WDR89: variants seen among roughly 807,000 people sequenced by gnomAD.
WDR89 encodes WD repeat-containing protein 89.
WDR89 carries 17 observed loss-of-function variants against 29.1 expected under a neutral mutation model. That is an observed-to-expected ratio of 0.58 (90% CI 0.40 to 0.88). WDR89 has a LOEUF of 0.88. Among genes scored for constraint, WDR89 ranks in the 40% least tolerant of loss-of-function variants. The pLI, the probability that WDR89 is intolerant of heterozygous loss-of-function variation, is 0.00. For synonymous variants in WDR89, 138 were observed against 157.8 expected, an observed-to-expected ratio of 0.87 and a Z score of 0.94; for missense variants, 396 against 456.3, an observed-to-expected ratio of 0.87 and a Z score of 1.20.
Position 63,599,759 on chromosome 14 carries a change from C to A in WDR89, c.184G>T (p.Val62Leu), listed in dbSNP as rs767678927. The part of the protein sequence containing the change: ...IRIYDKERLN[V>L]LREFSGYPGL... ...GGATATCCACTAAATTCTCGTAGTA[C>A]ATTTAACCTTTCTTTATCATATATT... Residue 62 changes from valine to leucine, a missense_variant, in exon 3 of 3, where the codon GTA (valine) becomes TTA (leucine). Transcript: ENST00000620954. 8 of 1,614,160 alleles carry A rather than the reference C, an allele frequency of 5.0e-6. No individual in the cohort carries two copies. The highest frequency in any genetic ancestry group is 6.8e-6 in the Non-Finnish European group (8 of 1,180,034).
chr14:63,618,496 A>G (rs1335415856), intron 2 of WDR89, among the ~76,000 whole-genome samples: 1 of 152,138 alleles, frequency 6.6e-6, no homozygotes, highest in Non-Finnish European at 1.5e-5. Context: ...AGACAACAGG[A>G]AAGAATTCTT....
chr14:63,608,842 G>A (rs996151292), intron 2 of WDR89, among the ~76,000 whole-genome samples: 29 of 152,244 alleles, frequency 1.9e-4, no homozygotes, highest in African/African-American at 7.0e-4. Flanking sequence ...GGTGGCTCAC[G>A]CCTATAATCT....
chr14:63,631,783 T>C (rs1307143279), intron 1 of WDR89, among the ~76,000 whole-genome samples: 1 of 152,104 alleles, frequency 6.6e-6, no homozygotes, highest in East Asian at 1.9e-4. Context: ...TCCAGGCTGA[T>C]TCTTGCATTG....
chr14:63,606,570 T>C (rs1167284128), intron 2 of WDR89, among the ~76,000 whole-genome samples: 3 of 152,206 alleles, frequency 2.0e-5, no homozygotes, highest in African/African-American at 7.2e-5. Flanking sequence ...TACAGTGTAG[T>C]GTAGGTCATA....
intron 2 of WDR89, among the ~76,000 whole-genome samples, chr14:63,615,924 TAAA>T (rs113469632): frequency 0.013 from 1,720 of 132,668 alleles, 47 homozygotes; most frequent in African/African-American, 0.046. Flanking sequence ...ACCCTGTCTT[TAAA>T]AAAAAAAAAA....
At chr14:63,622,407 C>T (rs1475821711) in intron 2 of WDR89, among the ~76,000 whole-genome samples, 1 of 151,952 alleles carries the variant, frequency 6.6e-6, no homozygotes, top group Non-Finnish European at 1.5e-5. Context: ...TGGTGAAAGC[C>T]CTTCTCTACA....
chr14:63,630,633 ACT>A (rs1268136117), intron 1 of WDR89: 5 of 141,896 alleles, frequency 3.5e-5, no homozygotes, highest in Non-Finnish European at 7.6e-5. Flanking sequence ...ACAGGGCGAG[ACT>A]CTGTCTCACA....
chr14:63,632,182 G>A (rs1288578860), intron 1 of WDR89, among the ~76,000 whole-genome samples: 11 of 151,174 alleles, frequency 7.3e-5, no homozygotes, highest in South Asian at 2.1e-4. Flanking sequence ...AAAATGGGGG[G>A]AAAAAAAACA....
chr14:63,602,834 GATCT>G (rs1304847105), intron 2 of WDR89, among the ~76,000 whole-genome samples: 3 of 151,898 alleles, frequency 2.0e-5, no homozygotes, highest in Non-Finnish European at 4.4e-5. Flanking sequence ...GGAGAATTTG[GATCT>G]ATCAGAGAGC....
intron 2 of WDR89, among the ~76,000 whole-genome samples, chr14:63,605,036 T>A (rs534638264): frequency 6.6e-5 from 10 of 151,960 alleles, no homozygotes; most frequent in African/African-American, 2.4e-4. Context: ...TATAGTCCCA[T>A]CTACTGGGGA....
intron 2 of WDR89, among the ~76,000 whole-genome samples, chr14:63,624,619 A>G (rs1882918157): frequency 6.6e-6 from 1 of 152,158 alleles, no homozygotes; most frequent in South Asian, 2.1e-4. Flanking sequence ...TTGCAACCAA[A>G]TTATAAGACA....
chr14:63,630,136 C>T (rs890846520), intron 1 of WDR89, among the ~76,000 whole-genome samples: 7 of 151,746 alleles, frequency 4.6e-5, no homozygotes, highest in Admixed American at 6.6e-5. Context: ...TTGGTAGAGA[C>T]GGGGTTTCCC....
At chr14:63,618,381 C>T (rs1166800243) in intron 2 of WDR89, among the ~76,000 whole-genome samples, 5 of 152,114 alleles carry the variant, frequency 3.3e-5, no homozygotes. Context: ...TCTCAAACTC[C>T]TGGACTCAAG....
At chr14:63,615,230 T>G (rs1383534054) in intron 2 of WDR89, among the ~76,000 whole-genome samples, 1 of 152,182 alleles carries the variant, frequency 6.6e-6, no homozygotes, top group Non-Finnish European at 1.5e-5. Flanking sequence ...ATTCCACAAA[T>G]GCCCAGAATC....
chr14:63,631,190 T>A (rs1053916224), intron 1 of WDR89, among the ~76,000 whole-genome samples: 4 of 152,136 alleles, frequency 2.6e-5, no homozygotes, highest in African/African-American at 9.7e-5. Context: ...TATACGTATA[T>A]CAAAACATCA....
At chr14:63,641,086 A>G (rs936947571) in intron 1 of WDR89, among the ~76,000 whole-genome samples, 1 of 142,698 alleles carries the variant, frequency 7.0e-6, no homozygotes, top group African/African-American at 2.6e-5. Context: ...CGACAGCCTG[A>G]GACTCCATCT....
At chr14:63,638,714 G>A (rs1224871090) in intron 1 of WDR89, among the ~76,000 whole-genome samples, 1 of 152,158 alleles carries the variant, frequency 6.6e-6, no homozygotes, top group Non-Finnish European at 1.5e-5. Flanking sequence ...GGTGACTTAG[G>A]TTATTTTCAC....
At chr14:63,607,609 T>C (rs1881656191) in intron 2 of WDR89, among the ~76,000 whole-genome samples, 1 of 151,474 alleles carries the variant, frequency 6.6e-6, no homozygotes, top group Admixed American at 6.6e-5. Context: ...AGGCCAGGCA[T>C]GGTGGCTCAC....
chr14:63,631,554 T>A (rs894038756), intron 1 of WDR89, among the ~76,000 whole-genome samples: 10 of 152,008 alleles, frequency 6.6e-5, no homozygotes, highest in South Asian at 4.2e-4. Flanking sequence ...AATTTTTTTT[T>A]AATTTTTAGT....
Sources: allele counts gnomAD v4.1 joint callset (sites outside exome capture counted in the v4.1 genomes callset), GRCh38; gene constraint gnomAD v4.1.1; transcripts MANE v1.5; gene names NCBI Gene and HGNC (gene_info 2026-07-23, HGNC 2026-07-21).